ARID1B: variants seen among roughly 807,000 people sequenced by gnomAD.
The protein encoded by ARID1B is AT-rich interactive domain-containing protein 1B.
Under a neutral mutation model 212.3 loss-of-function variants are expected in ARID1B, and 30 were observed. That is an observed-to-expected ratio of 0.14 (90% CI 0.11 to 0.19). The LOEUF (loss-of-function observed/expected upper bound fraction) is 0.19. Ranked by LOEUF, ARID1B falls within the 10% of genes least tolerant of loss-of-function variation. ARID1B has a pLI of 1.00. For missense variants in ARID1B, 2,891 were observed against 3,204.0 expected (o/e 0.90, Z 2.36); for synonymous variants, 1,402 against 1,301.7 (o/e 1.08, Z -1.66).
intron 2 of ARID1B, among the ~76,000 whole-genome samples, chr6:156,871,843 G>T (rs769471576): frequency 7.2e-5 from 11 of 152,090 alleles, no homozygotes; most frequent in Admixed American, 1.3e-4. Flanking sequence ...GGGCCTCCTG[G>T]GACTGGGCTC....
intron 11 of ARID1B, among the ~76,000 whole-genome samples, chr6:157,180,484 C>T (rs577228711): frequency 1.3e-5 from 2 of 152,278 alleles, no homozygotes; most frequent in South Asian, 4.1e-4. Flanking sequence ...GTTGCTCATC[C>T]TCCAGATGCT....
chr6:156,998,950 A>C (rs1295150291), intron 4 of ARID1B, among the ~76,000 whole-genome samples: 1 of 152,254 alleles, frequency 6.6e-6, no homozygotes, highest in Admixed American at 6.5e-5. Flanking sequence ...GTGTGAGAAC[A>C]CATTCCAAGT....
At chr6:157,171,207 C>T (rs575469300) in intron 9 of ARID1B, among the ~76,000 whole-genome samples, 1 of 152,220 alleles carries the variant, frequency 6.6e-6, no homozygotes, top group Non-Finnish European at 1.5e-5. Flanking sequence ...TTTAAGAAAT[C>T]GTTCTAGTTC....
intron 1 of ARID1B, among the ~76,000 whole-genome samples, chr6:156,806,752 T>A (rs1781188151): frequency 6.6e-6 from 1 of 152,166 alleles, no homozygotes. Flanking sequence ...TAGAGACACG[T>A]TTGGATCAGG....
intron 1 of ARID1B, among the ~76,000 whole-genome samples, chr6:156,806,842 A>T (rs1339322484): frequency 6.6e-6 from 1 of 152,132 alleles, no homozygotes; most frequent in Admixed American, 6.5e-5. Flanking sequence ...TGTTTCAACT[A>T]CTCAGCTCCG....
At chr6:157,104,298 T>C (rs1034023415) in intron 5 of ARID1B, among the ~76,000 whole-genome samples, 8 of 152,366 alleles carry the variant, frequency 5.3e-5, no homozygotes, top group African/African-American at 1.9e-4. Context: ...GTTTCACTTA[T>C]GGACTAGGGA....
intron 4 of ARID1B, among the ~76,000 whole-genome samples, chr6:157,021,966 T>G (rs1208382538): frequency 6.6e-6 from 1 of 152,202 alleles, no homozygotes; most frequent in Non-Finnish European, 1.5e-5. Context: ...TTTCCCCTAC[T>G]TCCTTTGGTG....
At chr6:157,162,661 C>T (rs1005827872) in intron 8 of ARID1B, among the ~76,000 whole-genome samples, 10 of 152,214 alleles carry the variant, frequency 6.6e-5, no homozygotes, top group African/African-American at 2.2e-4. Context: ...TCTGGTTATT[C>T]CGCAGGTCAG....
At chr6:157,142,658 A>T (rs114788572) in intron 7 of ARID1B, among the ~76,000 whole-genome samples, 1 of 152,188 alleles carries the variant, frequency 6.6e-6, no homozygotes, top group Non-Finnish European at 1.5e-5. Context: ...ACAACAACAA[A>T]AAAAACAATA....
intron 5 of ARID1B, among the ~76,000 whole-genome samples, chr6:157,088,284 G>GGAGT (rs748607556): frequency 8.5e-5 from 13 of 152,300 alleles, no homozygotes; most frequent in Middle Eastern, 3.4e-3. Flanking sequence ...AGACCTTGGG[G>GGAGT]GAGTAGTCCA....
chr6:156,879,225 T>A (rs1038979519), intron 2 of ARID1B, among the ~76,000 whole-genome samples: 1 of 152,250 alleles, frequency 6.6e-6, no homozygotes, highest in Non-Finnish European at 1.5e-5. Context: ...ATTTGGCATT[T>A]TGTATTCTTG....
intron 16 of ARID1B, 124 bp from the exon 17 acceptor site, chr6:157,198,687 G>T: frequency 1.4e-6 from 1 of 709,898 alleles, no homozygotes; most frequent in South Asian, 2.1e-5. Flanking sequence ...TTTGTCGGAG[G>T]GGTGCGCAGT....
intron 2 of ARID1B, among the ~76,000 whole-genome samples, chr6:156,867,791 C>G (rs1379179713): frequency 1.3e-5 from 2 of 152,160 alleles, no homozygotes; most frequent in Admixed American, 1.3e-4. Flanking sequence ...CATGCCCTGC[C>G]CTTTAAATCT....
At chr6:156,977,218 CA>C (rs1777306301) in intron 4 of ARID1B, 1 of 172,736 alleles carries the variant, frequency 5.8e-6, no homozygotes, top group South Asian at 1.3e-4. Flanking sequence ...TGTAGATTTA[CA>C]GTTTTTATCA....
At chr6:157,028,213 T>C (rs1324987291) in intron 4 of ARID1B, among the ~76,000 whole-genome samples, 1 of 152,242 alleles carries the variant, frequency 6.6e-6, no homozygotes, top group Non-Finnish European at 1.5e-5. Flanking sequence ...GTTTATTAAC[T>C]ACCACTTACT....
intron 4 of ARID1B, among the ~76,000 whole-genome samples, chr6:157,005,362 G>T (rs988834882): frequency 6.6e-6 from 1 of 152,026 alleles, no homozygotes; most frequent in Non-Finnish European, 1.5e-5. Flanking sequence ...CACCATATTG[G>T]CCGGGCTGTT....
intron 5 of ARID1B, among the ~76,000 whole-genome samples, chr6:157,092,319 C>T (rs1438685606): frequency 4.6e-5 from 7 of 152,194 alleles, no homozygotes; most frequent in African/African-American, 1.7e-4. Flanking sequence ...GTAGAACCTC[C>T]CACTTTAAGA....
intron 7 of ARID1B, among the ~76,000 whole-genome samples, chr6:157,144,154 G>A (rs146520023): frequency 6.6e-6 from 1 of 152,176 alleles, no homozygotes; most frequent in African/African-American, 2.4e-5. Flanking sequence ...TAACATCTCA[G>A]TAGTTTCTTT....
chr6:157,032,882 A>G (rs1325824469), intron 4 of ARID1B, among the ~76,000 whole-genome samples: 1 of 152,032 alleles, frequency 6.6e-6, no homozygotes, highest in African/African-American at 2.4e-5. Context: ...CATTCTTTTT[A>G]CTTAATAGAG....
Sources: gnomAD v4.1 joint callset for allele counts (sites outside exome capture counted in the v4.1 genomes callset) on GRCh38, gnomAD v4.1.1 for gene constraint, MANE v1.5 for transcripts, NCBI Gene and HGNC (gene_info 2026-07-23, HGNC 2026-07-21) for gene names.